Variants in NFE2L2 observed in about 807,000 individuals in gnomAD.
NFE2L2 encodes NFE2 like bZIP transcription factor 2, also known as nuclear factor erythroid 2-related factor 2.
A neutral mutation model predicts 49.6 loss-of-function variants in NFE2L2; 20 were observed. That is an observed-to-expected ratio of 0.40 (90% CI 0.28 to 0.59). The LOEUF is 0.59. Ranked by LOEUF, NFE2L2 falls within the 20% of genes least tolerant of loss-of-function variation. The pLI, the probability that NFE2L2 is intolerant of heterozygous loss-of-function variation, is 0.40. For missense variants in NFE2L2, 578 were observed against 714.2 expected (o/e 0.81, Z 2.17); for synonymous variants, 244 against 256.5 (o/e 0.95, Z 0.47).
At chr2:177,232,684 G>C in intron 3 of NFE2L2, 101 bp from the exon 4 acceptor site, 1 of 1,160,212 alleles carries the variant, frequency 8.6e-7, no homozygotes, top group Non-Finnish European at 1.2e-6. Flanking sequence ...CTGCAGTTCT[G>C]TGTCTCTCTA....
chr2:177,264,431 TG>T, intron 1 of NFE2L2, 100 bp downstream of exon 1: 4 of 1,271,524 alleles, frequency 3.1e-6, no homozygotes, highest in South Asian at 1.4e-5. Flanking sequence ...TGGCCAGACG[TG>T]GGGGAAGCCG....
chr2:177,245,529 T>C (rs1690092449), intron 1 of NFE2L2, among the ~76,000 whole-genome samples: 1 of 152,170 alleles, frequency 6.6e-6, no homozygotes, highest in African/African-American at 2.4e-5. Flanking sequence ...GTTTGCATAC[T>C]TCATGGTTTA....
rs748812700 is a variant in NFE2L2 at position 177,230,944 on chromosome 2, C to T, written c.1659G>A (p.Leu553=). 9 of 1,612,218 alleles carry T rather than the reference C, an allele frequency of 5.6e-6. No individual in the cohort carries two copies. Among genetic ancestry groups the T allele is most frequent in the Middle Eastern group, 1.7e-4 (1 of 6,050 alleles). The change falls in exon 5 of 5, where the codon CTG becomes CTA. Residue 553 remains leucine, a synonymous_variant. Transcript: ENST00000397062. ...GATATAAGGTGCTGAGTTGTTTTTT[C>T]AGTAGGTGAAGGCTTTTGTCATTTT... is the stretch of plus-strand genomic sequence containing the variant. The part of the protein sequence containing the change: ...KGENDKSLHL[L]KKQLSTLYLE...
In NFE2L2 at chr2:177,231,561, G is replaced by C; in HGVS notation, c.1042C>G (p.Leu348Val). 1.2e-6 allele frequency: 2 copies of C among 1,614,242 alleles called. No homozygotes were observed. The highest frequency in any genetic ancestry group is 1.1e-5 in the South Asian group (1 of 91,084). Residue 348 changes from leucine (L) to valine (V), a missense_variant, in exon 5 of 5, where the codon CTA becomes GTA. Around this residue, in one of 3 missense-constraint regions of NFE2L2, gnomAD observed 368 missense variants for 384.6 expected, o/e 0.96. Coordinates refer to ENST00000397062, the MANE Select transcript of NFE2L2 (RefSeq NM_006164.5). Reference protein sequence around the residue: ...EFNDSDSGISLNTSPSVASPE... With the variant: ...EFNDSDSGISVNTSPSVASPE... ...GATGCCACACTGGGACTTGTGTTTA[G>C]TGAAATGCCGGAGTCAGAATCATTG...
chr2:177,234,011 G>A lies in NFE2L2; in HGVS notation c.306C>T (p.Tyr102=), dbSNP rs375522007. 4.6e-5 allele frequency: 75 copies of A among 1,614,230 alleles called. 3 individuals are homozygous for A. The African/African-American group carries it at 5.2e-4, about 11-fold the overall frequency. ...IQSETSGSAN[Y]SQVAHIPKSD... is the part of the protein sequence containing the mutation. ...AGAACTGAGTACTCTGTACCTGGGA[G>A]TAGTTGGCAGATCCACTGGTTTCTG... is the stretch of plus-strand genomic sequence containing the variant. Residue 102 remains tyrosine (Y), a synonymous_variant, in exon 2 of 5, where the codon TAC becomes TAT. Coordinates refer to ENST00000397062, the MANE Select transcript of NFE2L2 (RefSeq NM_006164.5).
chr2:177,233,946 C>A (rs1376936082), intron 2 of NFE2L2, 59 bp downstream of exon 2: 2 of 1,591,852 alleles, frequency 1.3e-6, no homozygotes, highest in African/African-American at 2.7e-5. Context: ...TATTTTAATT[C>A]CTTGCTCAGT....
At chr2:177,248,644 G>A (rs1226938057) in intron 1 of NFE2L2, among the ~76,000 whole-genome samples, 4 of 152,132 alleles carry the variant, frequency 2.6e-5, no homozygotes, top group African/African-American at 4.8e-5. Flanking sequence ...CCTCACCTTA[G>A]GTGATCCGCC....
At chr2:177,256,187 T>C (rs1690517026) in intron 1 of NFE2L2, among the ~76,000 whole-genome samples, 2 of 152,186 alleles carry the variant, frequency 1.3e-5, no homozygotes, top group South Asian at 2.1e-4. Context: ...AAGAGGTATA[T>C]AATTCCATCA....
At chr2:177,259,265 G>A (rs1467405100) in intron 1 of NFE2L2, among the ~76,000 whole-genome samples, 1 of 151,880 alleles carries the variant, frequency 6.6e-6, no homozygotes, top group Admixed American at 6.6e-5. Flanking sequence ...CTGTACCAAT[G>A]CACTCCAGCC....
At chr2:177,263,323 G>A (rs1461604413) in intron 1 of NFE2L2, 28 of 968,010 alleles carry the variant, frequency 2.9e-5, no homozygotes, top group African/African-American at 3.5e-5. Context: ...AGTACTCAGG[G>A]GAGAAATAAT....
At chr2:177,241,639 C>T in intron 1 of NFE2L2, among the ~76,000 whole-genome samples, 1 of 152,188 alleles carries the variant, frequency 6.6e-6, no homozygotes, top group Middle Eastern at 3.2e-3. Context: ...GTGAGAATCA[C>T]TTGAGCCCAG....
chr2:177,255,518 T>C (rs1485045066), intron 1 of NFE2L2, among the ~76,000 whole-genome samples: 1 of 152,156 alleles, frequency 6.6e-6, no homozygotes, highest in Non-Finnish European at 1.5e-5. Context: ...GCACTGCAGC[T>C]GACACAAAGT....
rs1020085326 is a variant in NFE2L2, at chr2:177,230,480, A to AT, written c.*304dup. 1.5e-5 allele frequency: 4 copies of AT among 272,488 alleles called. No individual in the cohort carries two copies. The highest frequency in any genetic ancestry group is 2.0e-3 in the Middle Eastern group (2 of 976). 16.9% of individuals were successfully genotyped at this position (272,488 alleles called of 1,614,324 possible). A position where few individuals can be genotyped will look rare whatever the true frequency, so the allele number is the denominator to read the frequency against. ...CTTTTTAGCCAGATGTCATATCATC[A>AT]TATAAATCTATGAATATAACAAATG... On this transcript the variant is annotated 3_prime_UTR_variant, in exon 5 of 5. Coordinates refer to ENST00000397062, the MANE Select transcript of NFE2L2 (RefSeq NM_006164.5).
At chr2:177,248,017 C>T (rs935904708) in intron 1 of NFE2L2, among the ~76,000 whole-genome samples, 1 of 152,202 alleles carries the variant, frequency 6.6e-6, no homozygotes, top group African/African-American at 2.4e-5. Context: ...AGATGTATCA[C>T]TCAGGAACAG....
At chr2:177,247,683 GC>G (rs1415511231) in intron 1 of NFE2L2, among the ~76,000 whole-genome samples, 1 of 96,844 alleles carries the variant, frequency 1.0e-5, no homozygotes, top group Non-Finnish European at 2.0e-5. Context: ...GCCCCACCCC[GC>G]AAAAAAAAAA....
chr2:177,264,671 C>CTCT lies in NFE2L2; in HGVS notation c.-96_-95insAGA. The CTCT allele has an allele frequency of 2.6e-6, 3 of 1,171,486 alleles. No homozygotes were observed. Among genetic ancestry groups the CTCT allele is most frequent in the Non-Finnish European group, 3.3e-6 (3 of 918,632 alleles). 72.6% of individuals were successfully genotyped at this position (1,171,486 alleles called of 1,614,324 possible). A position where few individuals can be genotyped will look rare whatever the true frequency, so the allele number is the denominator to read the frequency against. ...GACAGGGCGGCTCTGGTGGCGGCGG[C>CTCT]GGCGGCGGTGGCGGCTGCGTCGGCG... On this transcript the variant is annotated 5_prime_UTR_variant, in exon 1 of 5. Coordinates refer to ENST00000397062, the MANE Select transcript of NFE2L2 (RefSeq NM_006164.5).
At chr2:177,234,369 A>T in intron 1 of NFE2L2, 98 bp from the exon 2 acceptor site, 1 of 1,331,620 alleles carries the variant, frequency 7.5e-7, no homozygotes, top group Admixed American at 2.6e-5. Context: ...TGATGGTGGG[A>T]AGTGGGGAGA....
In NFE2L2 at chr2:177,264,676, G is replaced by GTGGCGGCTGCGT; in HGVS notation, c.-101_-100insACGCAGCCGCCA. On this transcript the variant is annotated 5_prime_UTR_variant, in exon 1 of 5. Transcript: ENST00000397062. ...GGCGGCTCTGGTGGCGGCGGCGGCG[G>GTGGCGGCTGCGT]CGGTGGCGGCTGCGTCGGCGGCTCC... 1.7e-6 allele frequency: 2 copies of GTGGCGGCTGCGT among 1,156,082 alleles called. No homozygotes were observed. The highest frequency in any genetic ancestry group is 6.4e-5 in the East Asian group (2 of 31,214). The allele number at this position is 1,156,082 out of a possible 1,614,324, so 71.6% of individuals were successfully genotyped here.
intron 1 of NFE2L2, among the ~76,000 whole-genome samples, chr2:177,257,822 A>G (rs1435787984): frequency 6.6e-6 from 1 of 152,222 alleles, no homozygotes; most frequent in African/African-American, 2.4e-5. Flanking sequence ...CAAGGGATGT[A>G]GGTTGCCAGC....
Sources: allele counts gnomAD v4.1 joint callset (sites outside exome capture counted in the v4.1 genomes callset), GRCh38; gene constraint gnomAD v4.1.1; regional missense constraint gnomAD v4.1.1; transcripts MANE v1.5; gene names NCBI Gene and HGNC (gene_info 2026-07-23, HGNC 2026-07-21).